The following KLF12 variants were observed in gnomAD, a reference collection of about 807,000 sequenced individuals.
The protein encoded by KLF12 is Krueppel-like factor 12.
A neutral mutation model predicts 37.8 loss-of-function variants in KLF12; 9 were observed. The observed-to-expected ratio is 0.24, with a 90% CI of 0.14 to 0.42. The LOEUF is 0.42. Among genes scored for constraint, KLF12 ranks in the 10% least tolerant of loss-of-function variants. The pLI is 1.00. For synonymous variants in KLF12, 208 were observed against 202.1 expected, an observed-to-expected ratio of 1.03 and a Z score of -0.25; for missense variants, 411 against 516.0, an observed-to-expected ratio of 0.80 and a Z score of 1.97.
the KLF12 span, among the ~76,000 whole-genome samples, chr13:74,201,655 G>A: frequency 1.1e-4 from 17 of 152,034 alleles, no homozygotes; most frequent in African/African-American, 3.4e-4. Flanking sequence ...TACTCTTGGC[G>A]GGAACAGATA....
the KLF12 span, among the ~76,000 whole-genome samples, chr13:74,197,566 A>C: frequency 6.6e-6 from 1 of 152,148 alleles, no homozygotes; most frequent in Non-Finnish European, 1.5e-5. Flanking sequence ...TATACTAGTG[A>C]TACTTTTGGT....
chr13:74,077,895 T>C (rs904480482), intron 1 of KLF12, among the ~76,000 whole-genome samples: 6 of 152,200 alleles, frequency 3.9e-5, no homozygotes, highest in African/African-American at 9.6e-5. Context: ...AAGAGGGAGA[T>C]GTGTTTGTCT....
chr13:73,915,733 C>G lies in KLF12; in HGVS notation c.123+28248G>C, dbSNP rs79440831. Reference sequence around the variant, plus strand: ...TTTTTTAGTAGAGACTAGGTTTCGCCGTGTTAGCCAGGATGGTCTTGATCT... The same window carrying G: ...TTTTTTAGTAGAGACTAGGTTTCGCGGTGTTAGCCAGGATGGTCTTGATCT... On this transcript the variant is annotated intron_variant, in intron 3 of 7. Transcript: ENST00000377669. 6.9e-4 allele frequency among the ~76,000 whole-genome samples: 99 copies of G among 143,050 alleles called. 1 individual carries two copies. The East Asian group carries it at 0.018, about 25-fold the overall frequency. The allele number at this position is 143,050 out of a possible 152,430, so 93.8% of individuals were successfully genotyped here.
intron 5 of KLF12, 23 bp downstream of exon 5, chr13:73,813,129 C>A (rs765637254): frequency 1.9e-6 from 3 of 1,611,014 alleles, no homozygotes; most frequent in Non-Finnish European, 2.5e-6. Flanking sequence ...ATTCTTAATT[C>A]ATCCTGTGAA....
At chr13:73,958,399 T>G (rs1357062541) in intron 2 of KLF12, among the ~76,000 whole-genome samples, 1 of 151,964 alleles carries the variant, frequency 6.6e-6, no homozygotes, top group Non-Finnish European at 1.5e-5. Context: ...CACACCACCA[T>G]GCCTGGCTAA....
At chr13:73,984,504 T>A (rs1333952582) in intron 2 of KLF12, among the ~76,000 whole-genome samples, 1 of 152,188 alleles carries the variant, frequency 6.6e-6, no homozygotes, top group African/African-American at 2.4e-5. Context: ...AGTGAGGGTC[T>A]ATGTGGACTG....
At chr13:73,725,475 A>T (rs565719440) in intron 6 of KLF12, among the ~76,000 whole-genome samples, 19 of 148,536 alleles carry the variant, frequency 1.3e-4, no homozygotes, top group African/African-American at 4.6e-4. Context: ...AAGAAAACAA[A>T]AACAAAAAAA....
intron 3 of KLF12, among the ~76,000 whole-genome samples, chr13:73,849,375 TA>T (rs574332239): frequency 0.011 from 1,063 of 98,786 alleles, 6 homozygotes; most frequent in African/African-American, 0.027. Flanking sequence ...GGAGACTCCA[TA>T]AAAAAAAAAA....
intron 5 of KLF12, among the ~76,000 whole-genome samples, chr13:73,792,355 A>C (rs1032211461): frequency 6.7e-4 from 102 of 152,356 alleles, no homozygotes; most frequent in African/African-American, 2.3e-3. Context: ...AACATAAAAA[A>C]AGTTTGATAA....
intron 2 of KLF12, among the ~76,000 whole-genome samples, chr13:73,967,217 T>G (rs1226620924): frequency 6.6e-6 from 1 of 152,170 alleles, no homozygotes; most frequent in Non-Finnish European, 1.5e-5. Context: ...TCAGAGGGGT[T>G]TAACCAAGAA....
At chr13:74,240,032 C>G in the KLF12 span, among the ~76,000 whole-genome samples, 1 of 151,666 alleles carries the variant, frequency 6.6e-6, no homozygotes, top group Non-Finnish European at 1.5e-5. Context: ...CAGTTTCTTC[C>G]TAGTCTCGAT....
chr13:73,706,779 T>C (rs1017016660), intron 7 of KLF12, among the ~76,000 whole-genome samples: 5 of 152,206 alleles, frequency 3.3e-5, no homozygotes, highest in African/African-American at 1.2e-4. Flanking sequence ...AATGAGGCTG[T>C]CTCTCCCACC....
the KLF12 span, among the ~76,000 whole-genome samples, chr13:74,275,787 T>TTTCTTTCTTTCC: frequency 1.3e-3 from 84 of 62,336 alleles, no homozygotes; most frequent in East Asian, 3.3e-3. Context: ...TTTTTCTTTC[T>TTTCTTTCTTTCC]TTCTTTCTTT....
chr13:74,063,949 G>A (rs560281986), intron 1 of KLF12, among the ~76,000 whole-genome samples: 1 of 152,248 alleles, frequency 6.6e-6, no homozygotes, highest in South Asian at 2.1e-4. Flanking sequence ...CTGCTTCAGT[G>A]CCCTGTGGAC....
intron 3 of KLF12, among the ~76,000 whole-genome samples, chr13:73,903,092 A>T (rs557964624): frequency 6.6e-6 from 1 of 152,360 alleles, no homozygotes; most frequent in African/African-American, 2.4e-5. Context: ...TCAAGACATT[A>T]TATTTTTTCA....
intron 3 of KLF12, among the ~76,000 whole-genome samples, chr13:73,866,919 A>G (rs1315162307): frequency 1.3e-5 from 2 of 152,128 alleles, no homozygotes; most frequent in Non-Finnish European, 2.9e-5. Context: ...AAAATGTCCC[A>G]AGATCTCTGC....
chr13:74,187,738 G>A, the KLF12 span, among the ~76,000 whole-genome samples: 1 of 152,130 alleles, frequency 6.6e-6, no homozygotes, highest in African/African-American at 2.4e-5. Flanking sequence ...AGGATACCAG[G>A]ATGACTCAGC....
chr13:73,796,223 C>A (rs1881953521), intron 5 of KLF12, among the ~76,000 whole-genome samples: 1 of 152,108 alleles, frequency 6.6e-6, no homozygotes, highest in Non-Finnish European at 1.5e-5. Flanking sequence ...TTCTCATCTC[C>A]CTTACACATT....
the KLF12 span, among the ~76,000 whole-genome samples, chr13:74,230,584 A>T: frequency 2.6e-4 from 39 of 152,266 alleles, no homozygotes; most frequent in East Asian, 7.5e-3. Context: ...TGTTTACCTC[A>T]GTTCCCCAAC....
Sources: gnomAD v4.1 joint callset for allele counts (sites outside exome capture counted in the v4.1 genomes callset) on GRCh38, gnomAD v4.1.1 for gene constraint, MANE v1.5 for transcripts, NCBI Gene and HGNC (gene_info 2026-07-23, HGNC 2026-07-21) for gene names.